Variants in PKD2 observed in about 807,000 individuals in gnomAD.
The protein encoded by PKD2 is polycystin 2, transient receptor potential cation channel, also known as polycystin-2.
PKD2 carries 48 observed loss-of-function variants against 105.9 expected under a neutral mutation model. The ratio of observed to expected loss-of-function variants is 0.45; its 90% CI spans 0.36 to 0.58. The LOEUF (loss-of-function observed/expected upper bound fraction) is 0.58. PKD2 is among the 20% of genes least tolerant of loss of function. PKD2 has a pLI of 0.00. For synonymous variants in PKD2, 464 were observed against 481.1 expected, an observed-to-expected ratio of 0.96 and a Z score of 0.46; for missense variants, 1,078 against 1,255.3, an observed-to-expected ratio of 0.86 and a Z score of 2.13.
At chr4:88,053,193 T>C (rs957616879) in intron 7 of PKD2, among the ~76,000 whole-genome samples, 7 of 152,178 alleles carry the variant, frequency 4.6e-5, no homozygotes, top group Non-Finnish European at 1.0e-4. Flanking sequence ...AGTTCCTTGG[T>C]CCTACTGGCC....
At chr4:88,035,658 C>T (rs193108340) in intron 2 of PKD2, among the ~76,000 whole-genome samples, 2 of 152,256 alleles carry the variant, frequency 1.3e-5, no homozygotes, top group East Asian at 1.9e-4. Context: ...ACTCTGACCT[C>T]GGTATCCCCA....
At chr4:88,020,595 G>C (rs1287993238) in intron 2 of PKD2, among the ~76,000 whole-genome samples, 1 of 151,918 alleles carries the variant, frequency 6.6e-6, no homozygotes, top group Non-Finnish European at 1.5e-5. Flanking sequence ...TTTCTGTCAT[G>C]TCTCATCTAA....
chr4:88,058,227 G>A (rs1211781940), intron 9 of PKD2, 124 bp downstream of exon 9: 1 of 686,114 alleles, frequency 1.5e-6, no homozygotes, highest in Admixed American at 2.7e-5. Context: ...AAAAAAGTGT[G>A]GATGTTGGAA....
chr4:88,037,968 C>T (rs965728849), intron 3 of PKD2, among the ~76,000 whole-genome samples: 1 of 152,162 alleles, frequency 6.6e-6, no homozygotes, highest in African/African-American at 2.4e-5. Flanking sequence ...AAAATCAGAG[C>T]TGCCACGTAT....
intron 2 of PKD2, among the ~76,000 whole-genome samples, chr4:88,031,202 T>C (rs770181898): frequency 6.6e-6 from 1 of 152,230 alleles, no homozygotes; most frequent in African/African-American, 2.4e-5. Context: ...ACTAGCCTAA[T>C]GTAAGTATTC....
chr4:88,065,808 G>C lies in PKD2; in HGVS notation c.2287G>C (p.Asp763His). ...GATTGAGGCAATATTCACAAAGTAC[G>C]ACCAAGATGGAGACCAAGAACTGAC... ...AEIEAIFTKY[D>H]QDGDQELTEH... Residue 763 changes from aspartate to histidine, a missense_variant, in exon 12 of 15, where the codon GAC becomes CAC. Physicochemically the swap from Asp to His is moderately conservative, Grantham distance 81. Coordinates refer to ENST00000237596, the MANE Select transcript of PKD2 (RefSeq NM_000297.4). 6.2e-7 allele frequency: 1 copy of C among 1,613,676 alleles called. No individual in the cohort carries two copies. Among genetic ancestry groups the C allele is most frequent in the Non-Finnish European group, 8.5e-7 (1 of 1,179,676 alleles).
chr4:88,058,424 A>G (rs900275058), intron 9 of PKD2, among the ~76,000 whole-genome samples: 9 of 152,304 alleles, frequency 5.9e-5, no homozygotes, highest in Non-Finnish European at 5.9e-5. Context: ...ATCAAGTACA[A>G]ATTTATAAAG....
chr4:88,025,126 C>T (rs1269776345), intron 2 of PKD2, among the ~76,000 whole-genome samples: 2 of 151,450 alleles, frequency 1.3e-5, no homozygotes, highest in Non-Finnish European at 2.9e-5. Context: ...GGCGACAGAA[C>T]GAGACTCTGT....
Position 88,038,501 on chromosome 4 carries a change from C to T in PKD2, c.1094C>T (p.Ala365Val), listed in dbSNP as rs771251377. Reference sequence around the variant, plus strand: ...CCCTTTGGGCCCCGAAATGGAACCGCGTAAGTGTCTGTGACTCATTGCCAC... The same window carrying T: ...CCCTTTGGGCCCCGAAATGGAACCGTGTAAGTGTCTGTGACTCATTGCCAC... ...RAPFGPRNGT[A>V]WIYTSEKDLN... The change falls in exon 4 of 15, where the codon GCT becomes GTT. Residue 365 changes from alanine (A) to valine (V), a missense_variant and splice_region_variant. Transcript: ENST00000237596. 1.2e-6 allele frequency: 2 copies of T among 1,613,802 alleles called. No individual in the cohort carries two copies. Among genetic ancestry groups the T allele is most frequent in the Non-Finnish European group, 1.7e-6 (2 of 1,179,702 alleles).
rs749112798 is a variant in PKD2, at chr4:88,065,443, C to T, written c.2188C>T (p.Arg730Trp). ...NTVDDISESL[R>W]QGGGKLNFDE... The stretch of plus-strand genomic sequence containing the variant: ...CGTGGATGACATTTCAGAGAGTCTG[C>T]GGCAAGGAGGAGGCAAGTTAAACTT... The change falls in exon 11 of 15, where the codon CGG becomes TGG. Residue 730 changes from arginine (R) to tryptophan (W), a missense_variant. By Grantham distance (101) the Arg-to-Trp change is moderately radical. This residue lies in a region of PKD2 where 868 missense variants were observed against 1,067.3 expected (regional missense o/e 0.81). Transcript: ENST00000237596. 9.3e-6 allele frequency: 15 copies of T among 1,612,716 alleles called. No homozygotes were observed. Among genetic ancestry groups the T allele is most frequent in the Middle Eastern group, 1.7e-4 (1 of 6,060 alleles).
At position 88,008,207 on chromosome 4, in the gene PKD2, G is replaced by C; in HGVS notation, c.474G>C (p.Glu158Asp). The part of the protein sequence containing the change: ...GHPSGRRRRR[E>D]DQGPPCPSPV... ...CGAGCGGGAGGCGGCGCCGGCGAGAGGACCAGGGCCCGCCGTGCCCCAGCC... is the reference window on the plus strand; with the variant it reads ...CGAGCGGGAGGCGGCGCCGGCGAGACGACCAGGGCCCGCCGTGCCCCAGCC... The change falls in exon 1 of 15, where the codon GAG becomes GAC. Residue 158 changes from glutamate (E) to aspartate (D), a missense_variant. Coordinates refer to ENST00000237596, the MANE Select transcript of PKD2 (RefSeq NM_000297.4). 1 of 1,367,866 alleles carries C rather than the reference G, an allele frequency of 7.3e-7. No homozygotes were observed. The highest frequency in any genetic ancestry group is 9.4e-7 in the Non-Finnish European group (1 of 1,068,942). The allele number at this position is 1,367,866 out of a possible 1,614,324, so 84.7% of individuals were successfully genotyped here. A position where few individuals can be genotyped will look rare whatever the true frequency, so the allele number is the denominator to read the frequency against.
chr4:88,071,104 A>G (rs1721018697), intron 13 of PKD2, among the ~76,000 whole-genome samples: 1 of 151,612 alleles, frequency 6.6e-6, no homozygotes, highest in Non-Finnish European at 1.5e-5. Context: ...CACCCAGGCT[A>G]GAGTGCAGTG....
chr4:88,031,790 A>G (rs1016662728), intron 2 of PKD2, among the ~76,000 whole-genome samples: 1 of 152,224 alleles, frequency 6.6e-6, no homozygotes, highest in Non-Finnish European at 1.5e-5. Context: ...TATTACTAAC[A>G]GGTATTGCTC....
At chr4:88,068,685 A>C (rs779669072) in intron 13 of PKD2, among the ~76,000 whole-genome samples, 1 of 152,226 alleles carries the variant, frequency 6.6e-6, no homozygotes, top group Non-Finnish European at 1.5e-5. Context: ...GTCCTGAAGA[A>C]TGTTCCTTGT....
intron 5 of PKD2, among the ~76,000 whole-genome samples, chr4:88,045,678 C>T (rs1262767706): frequency 2.0e-5 from 3 of 152,114 alleles, no homozygotes; most frequent in Admixed American, 6.5e-5. Flanking sequence ...GAAAAAAACC[C>T]TCAGTCCAGT....
chr4:88,043,023 C>T (rs551880241), intron 4 of PKD2, among the ~76,000 whole-genome samples: 134 of 152,272 alleles, frequency 8.8e-4, no homozygotes, highest in African/African-American at 3.0e-3. Flanking sequence ...ACTACATTGA[C>T]CTCACTAAGC....
Position 88,052,123 on chromosome 4 carries a change from A to G in PKD2, c.1681A>G (p.Ile561Val). Reference protein sequence around the residue: ...LAYWQIQFNNIAAVTVFFVWI... With the variant: ...LAYWQIQFNNVAAVTVFFVWI... ...ATATTGGCAGATACAGTTCAACAAT[A>G]TAGCTGCTGTCACAGTATTTTTTGT... The change falls in exon 7 of 15, where the codon ATA becomes GTA. Residue 561 changes from isoleucine to valine, a missense_variant. By Grantham distance (29) the Ile-to-Val change is conservative. Around this residue, in one of 2 missense-constraint regions of PKD2, gnomAD observed 868 missense variants for 1,067.3 expected, o/e 0.81. Transcript: ENST00000237596. The G allele has an allele frequency of 1.2e-6, 2 of 1,606,120 alleles. No individual in the cohort carries two copies. The highest frequency in any genetic ancestry group is 1.7e-4 in the Middle Eastern group (1 of 6,038).
At chr4:88,031,777 T>A (rs1727162884) in intron 2 of PKD2, among the ~76,000 whole-genome samples, 1 of 152,226 alleles carries the variant, frequency 6.6e-6, no homozygotes, top group South Asian at 2.1e-4. Context: ...TTGGTAATTG[T>A]TTTATTACTA....
At chr4:88,064,629 AC>A (rs1720717485) in intron 10 of PKD2, among the ~76,000 whole-genome samples, 1 of 151,634 alleles carries the variant, frequency 6.6e-6, no homozygotes, top group Admixed American at 6.6e-5. Context: ...GCAGTGGCTC[AC>A]CCCTGTAATC....
Sources: allele counts gnomAD v4.1 joint callset (sites outside exome capture counted in the v4.1 genomes callset), GRCh38; gene constraint gnomAD v4.1.1; regional missense constraint gnomAD v4.1.1; transcripts MANE v1.5; gene names NCBI Gene and HGNC (gene_info 2026-07-23, HGNC 2026-07-21).